Variants in GPHN observed in about 807,000 individuals in gnomAD.
GPHN encodes gephyrin.
GPHN carries 17 observed loss-of-function variants against 95.5 expected under a neutral mutation model. That is an observed-to-expected ratio of 0.18 (90% CI 0.12 to 0.27). The LOEUF (loss-of-function observed/expected upper bound fraction) is 0.27, where lower values mean the gene tolerates loss of function less well. Ranked by LOEUF, GPHN falls within the 10% of genes least tolerant of loss-of-function variation. The pLI, the probability that GPHN is intolerant of heterozygous loss-of-function variation, is 1.00. For missense variants in GPHN, 660 were observed against 978.1 expected (o/e 0.67, Z 4.34); for synonymous variants, 320 against 322.5 (o/e 0.99, Z 0.08).
At chr14:67,151,818 C>A (rs970104232) in intron 18 of GPHN, among the ~76,000 whole-genome samples, 41 of 152,018 alleles carry the variant, frequency 2.7e-4, no homozygotes, top group African/African-American at 3.9e-4. Context: ...TAATTTTTGT[C>A]TTTTTAGTAG....
At chr14:67,135,574 T>C (rs2080029228) in intron 17 of GPHN, among the ~76,000 whole-genome samples, 1 of 152,236 alleles carries the variant, frequency 6.6e-6, no homozygotes, top group South Asian at 2.1e-4. Context: ...TATTACTTTT[T>C]CCTTTGTTAG....
At chr14:66,809,755 G>T (rs1004746519) in intron 3 of GPHN, among the ~76,000 whole-genome samples, 2 of 152,106 alleles carry the variant, frequency 1.3e-5, no homozygotes, top group African/African-American at 4.8e-5. Flanking sequence ...TTAACTGAGA[G>T]TATGCTTTAC....
At chr14:67,054,407 C>A (rs1321158806) in intron 10 of GPHN, among the ~76,000 whole-genome samples, 3 of 152,086 alleles carry the variant, frequency 2.0e-5, no homozygotes, top group Non-Finnish European at 4.4e-5. Context: ...AGTGAAGGAC[C>A]TCTTCAAGGA....
At chr14:67,336,231 A>C in the GPHN span, 1 of 152,272 alleles carries the variant, frequency 6.6e-6, no homozygotes, top group African/African-American at 2.4e-5. Flanking sequence ...TCTGCTGTAC[A>C]TCTCCCAAAG....
At chr14:67,454,669 G>A in the GPHN span, 1 of 152,184 alleles carries the variant, frequency 6.6e-6, no homozygotes, top group African/African-American at 2.4e-5. Flanking sequence ...GCTCACGAAT[G>A]GAGAGATGGA....
the GPHN span, among the ~76,000 whole-genome samples, chr14:67,600,453 T>C: frequency 2.6e-5 from 4 of 152,288 alleles, no homozygotes; most frequent in African/African-American, 7.2e-5. Context: ...AAATCGTTTT[T>C]AGACCGGGCG....
rs373198587 is a variant in GPHN, at chr14:66,825,715, T to C, written c.294+1149T>C. Among the ~76,000 whole-genome samples, 70 of 152,344 alleles carry C rather than the reference T, an allele frequency of 4.6e-4. No homozygotes were observed. The East Asian group carries it at 7.7e-3, about 17-fold the overall frequency. On this transcript the variant is annotated intron_variant, in intron 4 of 22. Coordinates refer to ENST00000478722, the MANE Select transcript of GPHN (RefSeq NM_020806.5). ...AACCGTGGTACATAAACTTTTGATA[T>C]TATTATAATTAGGGTTTTAAATAAA...
chr14:67,642,793 C>CTTT, the GPHN span, among the ~76,000 whole-genome samples: 9,497 of 75,354 alleles, frequency 0.13, 3,261 homozygotes, highest in East Asian at 0.27. Context: ...ACTACATTTT[C>CTTT]TTTTTTTTTT....
At chr14:67,151,891 G>A (rs972499640) in intron 18 of GPHN, among the ~76,000 whole-genome samples, 29 of 152,112 alleles carry the variant, frequency 1.9e-4, no homozygotes, top group African/African-American at 6.0e-4. Context: ...TGATCCGCCT[G>A]CCTCAGCCTC....
chr14:66,959,079 A>G (rs1365238220), intron 8 of GPHN, among the ~76,000 whole-genome samples: 3 of 152,112 alleles, frequency 2.0e-5, no homozygotes, highest in Admixed American at 6.6e-5. Flanking sequence ...CTTAGTTTCA[A>G]TATTATACAA....
At chr14:66,737,807 A>C (rs973791871) in intron 2 of GPHN, among the ~76,000 whole-genome samples, 11 of 152,196 alleles carry the variant, frequency 7.2e-5, no homozygotes, top group Non-Finnish European at 1.6e-4. Context: ...AAAAATGTGT[A>C]TTATATTCAC....
chr14:66,878,993 T>C (rs1373887326), intron 4 of GPHN, among the ~76,000 whole-genome samples: 1 of 152,056 alleles, frequency 6.6e-6, no homozygotes, highest in South Asian at 2.1e-4. Context: ...TAAAGAAAAT[T>C]TGGCACATAT....
At chr14:66,895,231 C>G (rs184900799) in intron 5 of GPHN, among the ~76,000 whole-genome samples, 6 of 152,200 alleles carry the variant, frequency 3.9e-5, no homozygotes, top group Non-Finnish European at 7.4e-5. Context: ...AGCTGGAAAC[C>G]AACATTCTCA....
At chr14:67,366,912 T>A in the GPHN span, among the ~76,000 whole-genome samples, 58 of 145,060 alleles carry the variant, frequency 4.0e-4, no homozygotes, top group African/African-American at 1.5e-3. Flanking sequence ...GCCAGGCAGC[T>A]AAGGTTCTAG....
the GPHN span, among the ~76,000 whole-genome samples, chr14:67,269,001 A>T: frequency 6.6e-6 from 1 of 152,178 alleles, no homozygotes. Context: ...CGCAAGAGAA[A>T]CCTGCATGCC....
chr14:67,717,829 C>G, the GPHN span: 5 of 152,248 alleles, frequency 3.3e-5, no homozygotes, highest in East Asian at 9.6e-4. Flanking sequence ...TTTGAGAGAC[C>G]AAGGTGGAAG....
At chr14:66,766,621 T>C (rs1333537651) in intron 2 of GPHN, among the ~76,000 whole-genome samples, 1 of 152,106 alleles carries the variant, frequency 6.6e-6, no homozygotes, top group Middle Eastern at 3.4e-3. Flanking sequence ...TTGTGCAATA[T>C]TCCCAAAAGA....
At chr14:67,209,646 C>T in the GPHN span, among the ~76,000 whole-genome samples, 1 of 150,540 alleles carries the variant, frequency 6.6e-6, no homozygotes, top group Non-Finnish European at 1.5e-5. Context: ...GGTGAAACCC[C>T]GTCTCTACTA....
intron 1 of GPHN, among the ~76,000 whole-genome samples, chr14:66,532,124 C>T (rs753794420): frequency 3.7e-4 from 57 of 152,290 alleles, no homozygotes; most frequent in Non-Finnish European, 6.3e-4. Flanking sequence ...GCATGTGAAT[C>T]GAACTTTTAT....
Sources: gnomAD v4.1 joint callset for allele counts (sites outside exome capture counted in the v4.1 genomes callset) on GRCh38, gnomAD v4.1.1 for gene constraint, MANE v1.5 for transcripts, NCBI Gene and HGNC (gene_info 2026-07-23, HGNC 2026-07-21) for gene names.